Variants in HGS observed in about 807,000 individuals in gnomAD.
HGS encodes human growth factor-regulated tyrosine kinase substrate.
In HGS, 63 loss-of-function variants were observed where a neutral mutation model predicts 109.7. That is an observed-to-expected ratio of 0.57 (90% CI 0.47 to 0.71). The LOEUF (loss-of-function observed/expected upper bound fraction) is 0.71, where lower values mean the gene tolerates loss of function less well. Among genes scored for constraint, HGS ranks in the 30% least tolerant of loss-of-function variants. The pLI is 0.00. For missense variants in HGS, 995 were observed against 1,068.3 expected, an observed-to-expected ratio of 0.93 and a Z score of 0.96; for synonymous variants, 546 against 437.3, an observed-to-expected ratio of 1.25 and a Z score of -3.10.
Position 81,691,980 on chromosome 17 carries a change from CAG to C in HGS, c.662+412_662+413del, listed in dbSNP as rs1159131432. Reference sequence around the variant, plus strand: ...TGCCTCGGCGGTCGGTGTTTTGTCGCAGAGTTTACTCTGCCTCCCCTCTCCTG... The same window carrying C: ...TGCCTCGGCGGTCGGTGTTTTGTCGCAGTTTACTCTGCCTCCCCTCTCCTG... On this transcript the variant is annotated intron_variant, in intron 8 of 21. Coordinates refer to ENST00000329138, the MANE Select transcript of HGS (RefSeq NM_004712.5). This position sits in a 1 kb window ranked among gnomAD's most constrained non-coding sequence, Gnocchi z 5.3. 5.0e-6 allele frequency: 1 copy of C among 199,242 alleles called. No homozygotes were observed. The highest frequency in any genetic ancestry group is 1.0e-5 in the Non-Finnish European group (1 of 95,440). 12.3% of individuals were successfully genotyped at this position (199,242 alleles called of 1,614,324 possible). A position where few individuals can be genotyped will look rare whatever the true frequency, so the allele number is the denominator to read the frequency against.
chr17:81,685,278 T>A (rs2036958835), intron 1 of HGS, among the ~76,000 whole-genome samples: 1 of 152,164 alleles, frequency 6.6e-6, no homozygotes, highest in East Asian at 1.9e-4. Context: ...GCCTGATGTT[T>A]AAGAGTGAAT....
At chr17:81,686,898 C>A (rs924708181) in intron 3 of HGS, 105 bp from the exon 4 acceptor site, 25 of 876,760 alleles carry the variant, frequency 2.9e-5, no homozygotes, top group Middle Eastern at 2.4e-4. Context: ...ACTGACGGGC[C>A]TGTCGAAGGG....
At chr17:81,693,386 C>T (rs970794059) in intron 8 of HGS, 117 bp from the exon 9 acceptor site, 7 of 756,462 alleles carry the variant, frequency 9.3e-6, no homozygotes, top group Non-Finnish European at 1.6e-5. Context: ...GCTGTGGAAC[C>T]ACTGTCCTCA....
At position 81,693,408 on chromosome 17, in the gene HGS, C is replaced by G. The variant is rs536509767; in HGVS notation, c.663-95C>G. On this transcript the variant is annotated intron_variant, in intron 8 of 21. Coordinates refer to ENST00000329138, the MANE Select transcript of HGS (RefSeq NM_004712.5). The stretch of plus-strand genomic sequence containing the variant: ...AACCACTGTCCTCACTCTGTGGGGA[C>G]ACTTAGAGGAGCCCGCAGAGGTGTG... 424 of 880,872 alleles carry G rather than the reference C, an allele frequency of 4.8e-4. 2 individuals carry two copies. Among genetic ancestry groups the G allele is most frequent in the Admixed American group, 3.8e-4 (21 of 54,726 alleles). 54.6% of individuals were successfully genotyped at this position (880,872 alleles called of 1,614,324 possible). A position where few individuals can be genotyped will look rare whatever the true frequency, so the allele number is the denominator to read the frequency against.
At chr17:81,697,034 T>A in intron 18 of HGS, 36 bp downstream of exon 18, 1 of 1,505,782 alleles carries the variant, frequency 6.6e-7, no homozygotes, top group Non-Finnish European at 8.9e-7. Flanking sequence ...ATGCCTTTTA[T>A]CCCTCGTCTT....
At chr17:81,686,902 C>T (rs992765786) in intron 3 of HGS, 101 bp from the exon 4 acceptor site, 7 of 927,086 alleles carry the variant, frequency 7.6e-6, no homozygotes, top group Admixed American at 2.2e-5. Context: ...ACGGGCCTGT[C>T]GAAGGGCTCT....
chr17:81,693,336 C>T (rs1482959725), intron 8 of HGS, among the ~76,000 whole-genome samples, 167 bp from the exon 9 acceptor site: 1 of 152,230 alleles, frequency 6.6e-6, no homozygotes, highest in African/African-American at 2.4e-5. Context: ...TCGAGTCCTG[C>T]CCTGCTCTGC....
chr17:81,687,281 C>T (rs1399603923), intron 4 of HGS, among the ~76,000 whole-genome samples, 186 bp downstream of exon 4: 1 of 152,200 alleles, frequency 6.6e-6, no homozygotes, highest in Non-Finnish European at 1.5e-5. Flanking sequence ...GAGCCCCAAT[C>T]CAGGGAGGTC....
intron 7 of HGS, chr17:81,690,965 A>T (rs1194443882): frequency 3.8e-6 from 2 of 532,750 alleles, no homozygotes; most frequent in Non-Finnish European, 6.6e-6. Flanking sequence ...CTCTGGAATT[A>T]TAATGTTTTA....
rs1436786849 is a variant in HGS at position 81,691,951 on chromosome 17, C to CCGGTGCCTCGGCGGT, written c.662+386_662+400dup. ...GCGGTGGGAACCTGCGGGGCCGCGG[C>CCGGTGCCTCGGCGGT]CGGTGCCTCGGCGGTCGGTGTTTTG... On this transcript the variant is annotated intron_variant, in intron 8 of 21. Transcript: ENST00000329138. The surrounding 1 kb of genome is among the most constrained non-coding windows in gnomAD (Gnocchi z 5.3). 1 of 191,600 alleles carries CCGGTGCCTCGGCGGT rather than the reference C, an allele frequency of 5.2e-6. No individual in the cohort carries two copies. Among genetic ancestry groups the CCGGTGCCTCGGCGGT allele is most frequent in the Non-Finnish European group, 1.1e-5 (1 of 91,346 alleles). The allele number at this position is 191,600 out of a possible 1,614,324, so 11.9% of individuals were successfully genotyped here.
In HGS at chr17:81,695,084, C is replaced by T. The variant is rs200678723; in HGVS notation, c.1119+17C>T. Reference sequence around the variant, plus strand: ...GTGGTGGAGGTGAGGGGGCCACTCCCGGCATTCCTAGTGGCAGGGTCCCTT... The same window carrying T: ...GTGGTGGAGGTGAGGGGGCCACTCCTGGCATTCCTAGTGGCAGGGTCCCTT... On this transcript the variant is annotated intron_variant, in intron 13 of 21. Transcript: ENST00000329138. 4.2e-4 allele frequency: 676 copies of T among 1,612,182 alleles called. No homozygotes were observed. The highest frequency in any genetic ancestry group is 1.5e-3 in the Middle Eastern group (9 of 6,060).
intron 18 of HGS, 164 bp downstream of exon 18, chr17:81,697,162 C>T: frequency 1.3e-6 from 1 of 758,690 alleles, no homozygotes; most frequent in Non-Finnish European, 2.0e-6. Context: ...CTCACACAGG[C>T]TTTCCTGCTG....
chr17:81,700,689 C>A lies in HGS; in HGVS notation c.2017-6C>A. The A allele has an allele frequency of 1.2e-6, 2 of 1,605,816 alleles. No homozygotes were observed. The highest frequency in any genetic ancestry group is 1.7e-6 in the Non-Finnish European group (2 of 1,176,228). On this transcript the variant is annotated splice_region_variant and splice_polypyrimidine_tract_variant and intron_variant, in intron 19 of 21. Coordinates refer to ENST00000329138, the MANE Select transcript of HGS (RefSeq NM_004712.5). ...CCTTCTCCCATGGCACTCATTCCCT[C>A]CGCAGAACGTGGCCTCCCAGGCCCC...
At chr17:81,700,954 G>C in intron 20 of HGS, 91 bp from the exon 21 acceptor site, 1 of 1,531,672 alleles carries the variant, frequency 6.5e-7, no homozygotes, top group Non-Finnish European at 9.0e-7. Context: ...GGTGCTCCCT[G>C]TGGTCACCTT....
At chr17:81,692,547 C>G (rs953482810) in intron 8 of HGS, 9 of 152,394 alleles carry the variant, frequency 5.9e-5, no homozygotes, top group African/African-American at 2.2e-4. Flanking sequence ...AGCCACTGCC[C>G]ACAAGCGTGA....
chr17:81,700,230 G>A (rs1481176042), intron 18 of HGS, among the ~76,000 whole-genome samples: 4 of 151,580 alleles, frequency 2.6e-5, no homozygotes, highest in South Asian at 2.1e-4. Context: ...TTAGCCGGGC[G>A]TAGTGGCGTA....
chr17:81,684,719 G>A (rs1274977021), intron 1 of HGS, among the ~76,000 whole-genome samples: 1 of 152,212 alleles, frequency 6.6e-6, no homozygotes, highest in Non-Finnish European at 1.5e-5. Context: ...TGATGTGCAC[G>A]TGCCCAGCAG....
At chr17:81,695,363 C>G (rs2037129633) in intron 14 of HGS, 140 bp downstream of exon 14, 2 of 835,526 alleles carry the variant, frequency 2.4e-6, no homozygotes, top group African/African-American at 1.7e-5. Context: ...CCCTGGCCTG[C>G]CCTGCCCTGC....
At chr17:81,690,611 G>T in intron 6 of HGS, 63 bp from the exon 7 acceptor site, 1 of 1,508,382 alleles carries the variant, frequency 6.6e-7, no homozygotes, top group Admixed American at 1.8e-5. Context: ...GGCAGGGGAG[G>T]CTCTGTGCCT....
Sources: allele counts gnomAD v4.1 joint callset (sites outside exome capture counted in the v4.1 genomes callset), GRCh38; gene constraint gnomAD v4.1.1; non-coding constraint Gnocchi (gnomAD v3.1); transcripts MANE v1.5; gene names NCBI Gene and HGNC (gene_info 2026-07-23, HGNC 2026-07-21).